The following SAP130 variants were observed in gnomAD, a reference collection of about 807,000 sequenced individuals.
The protein encoded by SAP130 is histone deacetylase complex subunit SAP130.
A neutral mutation model predicts 103.2 loss-of-function variants in SAP130; 16 were observed. The observed-to-expected ratio is 0.16, with a 90% confidence interval of 0.10 to 0.24. The LOEUF (loss-of-function observed/expected upper bound fraction) is 0.24. SAP130 is among the 10% of genes least tolerant of loss of function. SAP130 has a pLI of 1.00. For missense variants in SAP130, 990 were observed against 1,359.7 expected (o/e 0.73, Z 4.28); for synonymous variants, 477 against 497.0 (o/e 0.96, Z 0.53).
chr2:127,944,622 G>A (rs572778957), intron 19 of SAP130, among the ~76,000 whole-genome samples: 12 of 152,050 alleles, frequency 7.9e-5, no homozygotes, highest in South Asian at 2.1e-4. Flanking sequence ...TAGAGACAGG[G>A]GTTTCACCAT....
chr2:127,959,832 A>C (rs781091188), intron 15 of SAP130, among the ~76,000 whole-genome samples: 69 of 152,298 alleles, frequency 4.5e-4, no homozygotes, highest in South Asian at 1.0e-3. Context: ...GTAAAAAAAA[A>C]CCCCAAAGTT....
chr2:128,004,622 T>C (rs1300205260), intron 7 of SAP130, among the ~76,000 whole-genome samples: 1 of 151,950 alleles, frequency 6.6e-6, no homozygotes, highest in Non-Finnish European at 1.5e-5. Context: ...TGTGTAACAG[T>C]GGAAATGAAG....
intron 15 of SAP130, among the ~76,000 whole-genome samples, chr2:127,957,302 T>TG (rs2104773504): frequency 6.6e-6 from 1 of 152,112 alleles, no homozygotes; most frequent in African/African-American, 2.4e-5. Context: ...CTAGAAGTTC[T>TG]GGAATACAAA....
chr2:128,001,055 T>C (rs6712170), intron 7 of SAP130, among the ~76,000 whole-genome samples: 6,167 of 152,282 alleles, frequency 0.04, 404 homozygotes, highest in African/African-American at 0.14. Context: ...CCTTGAAGCA[T>C]GGACCTTCCT....
chr2:128,027,510 G>C (rs954794495), intron 1 of SAP130, among the ~76,000 whole-genome samples: 1 of 152,138 alleles, frequency 6.6e-6, no homozygotes, highest in African/African-American at 2.4e-5. Flanking sequence ...CCCGGCGAAG[G>C]GGGCGGGGAG....
At chr2:127,954,495 G>A (rs1042293483) in intron 16 of SAP130, among the ~76,000 whole-genome samples, 1 of 151,512 alleles carries the variant, frequency 6.6e-6, no homozygotes, top group South Asian at 2.1e-4. Flanking sequence ...TTCTCAAACC[G>A]GAAGTTTGGA....
At chr2:127,949,819 GT>G (rs1679369275) in intron 18 of SAP130, 49 bp downstream of exon 18, 1 of 1,583,664 alleles carries the variant, frequency 6.3e-7, no homozygotes, top group African/African-American at 1.4e-5. Flanking sequence ...TTTTAATTAA[GT>G]TTACACCAAT....
At chr2:127,963,910 G>A (rs142380184) in intron 15 of SAP130, among the ~76,000 whole-genome samples, 16 of 152,284 alleles carry the variant, frequency 1.1e-4, no homozygotes, top group Middle Eastern at 6.8e-3. Context: ...ATAGAACTAC[G>A]TAAGTTCAAT....
At chr2:128,003,957 C>CTT (rs61211577) in intron 7 of SAP130, among the ~76,000 whole-genome samples, 962 of 67,772 alleles carry the variant, frequency 0.014, 157 homozygotes, top group East Asian at 0.035. Context: ...CACAGATCAG[C>CTT]TTTTTTTTTT....
At chr2:128,026,989 C>A in intron 1 of SAP130, 1 of 1,121,484 alleles carries the variant, frequency 8.9e-7, no homozygotes, top group Non-Finnish European at 1.2e-6. Flanking sequence ...CGGAGGACGC[C>A]GGTTTCCAGA....
chr2:127,970,496 G>A lies in SAP130; in HGVS notation c.2063+7489C>T, dbSNP rs111321472. On this transcript the variant is annotated intron_variant, in intron 15 of 20. Coordinates refer to ENST00000643581, the MANE Select transcript of SAP130 (RefSeq NM_001330301.2). ...TTGGAGGTTGCAGTGAGCCGAGATC[G>A]TACCACTGCACTCCAGCCTGGCGAC... is the stretch of plus-strand genomic sequence containing the variant. 5.6e-3 allele frequency among the ~76,000 whole-genome samples: 722 copies of A among 129,944 alleles called. 5 individuals carry two copies. The highest frequency in any genetic ancestry group is 0.013 in the Middle Eastern group (2 of 160). The allele number at this position is 129,944 out of a possible 152,430, so 85.2% of individuals were successfully genotyped here. A position where few individuals can be genotyped will look rare whatever the true frequency, so the allele number is the denominator to read the frequency against.
At chr2:127,948,553 G>A (rs970078545) in intron 18 of SAP130, among the ~76,000 whole-genome samples, 11 of 151,796 alleles carry the variant, frequency 7.2e-5, no homozygotes, top group Admixed American at 5.2e-4. Flanking sequence ...TGTTGGCCAG[G>A]CTGATTTTGA....
rs35797540 is a variant in SAP130 at position 128,025,003 on chromosome 2, C to CAAA, written c.112+1175_112+1177dup. Among the ~76,000 whole-genome samples, 763 of 100,012 alleles carry CAAA rather than the reference C, an allele frequency of 7.6e-3. 58 individuals carry two copies. The highest frequency in any genetic ancestry group is 0.019 in the African/African-American group (537 of 28,894). The allele number at this position is 100,012 out of a possible 152,430, so 65.6% of individuals were successfully genotyped here. A position where few individuals can be genotyped will look rare whatever the true frequency, so the allele number is the denominator to read the frequency against. On this transcript the variant is annotated intron_variant, in intron 2 of 20. Coordinates refer to ENST00000643581, the MANE Select transcript of SAP130 (RefSeq NM_001330301.2). ...AGTGACAGAGTGAGACCCTATTGCG[C>CAAA]AAAAAAAAAAAAAAAAAAGCCTCAG...
rs1679648273 is a variant in SAP130, at chr2:127,953,763, T to C, written c.2422+1223A>G. Among the ~76,000 whole-genome samples the C allele has an allele frequency of 6.6e-6, 1 of 152,198 alleles. No homozygotes were observed. The highest frequency in any genetic ancestry group is 2.4e-5 in the African/African-American group (1 of 41,442). ...TTTAATGTCTCTACTCAATGGTCACTTCCTCAGTGAGGCTTTCTCCTAAAA... is the reference window on the plus strand; with the variant it reads ...TTTAATGTCTCTACTCAATGGTCACCTCCTCAGTGAGGCTTTCTCCTAAAA... On this transcript the variant is annotated intron_variant, in intron 16 of 20. Coordinates refer to ENST00000643581, the MANE Select transcript of SAP130 (RefSeq NM_001330301.2). This position sits in a 1 kb window ranked among gnomAD's most constrained non-coding sequence, Gnocchi z 4.0.
intron 15 of SAP130, among the ~76,000 whole-genome samples, chr2:127,957,674 TAAA>T (rs80302590): frequency 7.1e-6 from 1 of 141,336 alleles, no homozygotes. Context: ...CCCTGCCTCT[TAAA>T]AAAAAAAAAA....
rs1353955448 is a variant in SAP130, at chr2:127,989,247, C to T, written c.1780+317G>A. Reference sequence around the variant, plus strand: ...CCGAGTAGCTAGGACTACAGGCCCCCGCCACCACGCCTGGCTAATTTTTTT... The same window carrying T: ...CCGAGTAGCTAGGACTACAGGCCCCTGCCACCACGCCTGGCTAATTTTTTT... On this transcript the variant is annotated intron_variant, in intron 13 of 20. Coordinates refer to ENST00000643581, the MANE Select transcript of SAP130 (RefSeq NM_001330301.2). The surrounding 1 kb of genome is among the most constrained non-coding windows in gnomAD (Gnocchi z 4.6). Among the ~76,000 whole-genome samples, 1 of 151,786 alleles carries T rather than the reference C, an allele frequency of 6.6e-6. No homozygotes were observed. The highest frequency in any genetic ancestry group is 6.6e-5 in the Admixed American group (1 of 15,224).
intron 7 of SAP130, among the ~76,000 whole-genome samples, chr2:128,006,248 A>C (rs1485003832): frequency 6.6e-6 from 1 of 152,250 alleles, no homozygotes; most frequent in Admixed American, 6.5e-5. Context: ...GTAAACTTTC[A>C]AAATATTGGT....
chr2:127,969,990 G>A (rs1235403609), intron 15 of SAP130, among the ~76,000 whole-genome samples: 2 of 152,194 alleles, frequency 1.3e-5, no homozygotes, highest in Non-Finnish European at 2.9e-5. Context: ...AGCACTCTGG[G>A]AGGCCGAGGT....
intron 2 of SAP130, among the ~76,000 whole-genome samples, chr2:128,019,822 G>A (rs1397600660): frequency 6.6e-6 from 1 of 151,950 alleles, no homozygotes; most frequent in Non-Finnish European, 1.5e-5. Flanking sequence ...GGGAGGTGGA[G>A]GTTGGGAGAT....
Sources: allele counts gnomAD v4.1 joint callset (sites outside exome capture counted in the v4.1 genomes callset), GRCh38; gene constraint gnomAD v4.1.1; non-coding constraint Gnocchi (gnomAD v3.1); transcripts MANE v1.5; gene names NCBI Gene and HGNC (gene_info 2026-07-23, HGNC 2026-07-21).